The following TRPC1 variants were observed in gnomAD, a reference collection of about 807,000 sequenced individuals.
TRPC1 encodes the protein short transient receptor potential channel 1.
In TRPC1, 42 loss-of-function variants were observed where a neutral mutation model predicts 88.2. That is an observed-to-expected ratio of 0.48 (90% CI 0.37 to 0.62). The LOEUF is 0.62. TRPC1 is among the 20% of genes least tolerant of loss of function. TRPC1 has a pLI of 0.00. For missense variants in TRPC1, 699 were observed against 957.3 expected (o/e 0.73, Z 3.56); for synonymous variants, 288 against 331.8 (o/e 0.87, Z 1.43).
At chr3:142,801,619 A>G (rs1160011503) in intron 9 of TRPC1, among the ~76,000 whole-genome samples, 2 of 152,164 alleles carry the variant, frequency 1.3e-5, no homozygotes, top group Non-Finnish European at 2.9e-5. Flanking sequence ...GCTTGCACAC[A>G]TAATATTTTC....
At chr3:142,779,408 T>C (rs1005745493) in intron 5 of TRPC1, among the ~76,000 whole-genome samples, 1 of 152,224 alleles carries the variant, frequency 6.6e-6, no homozygotes, top group Non-Finnish European at 1.5e-5. Flanking sequence ...ATAAGATGTA[T>C]AAATTTCACC....
At chr3:142,797,993 AT>A (rs1022650232) in intron 9 of TRPC1, among the ~76,000 whole-genome samples, 10 of 151,968 alleles carry the variant, frequency 6.6e-5, no homozygotes, top group African/African-American at 2.4e-4. Flanking sequence ...GGTGTTTTGC[AT>A]TTTGGTGTAT....
At chr3:142,749,896 C>T (rs1934692920) in intron 4 of TRPC1, among the ~76,000 whole-genome samples, 1 of 152,124 alleles carries the variant, frequency 6.6e-6, no homozygotes, top group African/African-American at 2.4e-5. Flanking sequence ...TGGACCCCTT[C>T]CTTACACCTT....
At chr3:142,740,635 C>A (rs1934311484) in intron 2 of TRPC1, among the ~76,000 whole-genome samples, 1 of 152,108 alleles carries the variant, frequency 6.6e-6, no homozygotes, top group African/African-American at 2.4e-5. Context: ...TAGGATAATG[C>A]AACATTGTGA....
intron 4 of TRPC1, among the ~76,000 whole-genome samples, chr3:142,764,099 T>C (rs1464298899): frequency 6.6e-6 from 1 of 150,572 alleles, no homozygotes; most frequent in Non-Finnish European, 1.5e-5. Flanking sequence ...TTCTACACTT[T>C]AGCTTCTTCT....
chr3:142,783,015 G>C (rs1235506211), intron 6 of TRPC1, among the ~76,000 whole-genome samples: 1 of 152,192 alleles, frequency 6.6e-6, no homozygotes, highest in Non-Finnish European at 1.5e-5. Context: ...GAATCTACTA[G>C]TTAAATCAAT....
intron 8 of TRPC1, among the ~76,000 whole-genome samples, chr3:142,791,818 T>C (rs1465755441): frequency 6.6e-6 from 1 of 152,010 alleles, no homozygotes; most frequent in Non-Finnish European, 1.5e-5. Flanking sequence ...TAACTATATA[T>C]TTTTATTTAG....
rs906258118 is a variant in TRPC1 at position 142,806,935 on chromosome 3, C to T, written c.*700C>T. The T allele has an allele frequency of 4.0e-5, 6 of 151,538 alleles. No individual in the cohort carries two copies. Among genetic ancestry groups the T allele is most frequent in the Admixed American group, 6.6e-5 (1 of 15,224 alleles). 9.4% of individuals were successfully genotyped at this position (151,538 alleles called of 1,614,324 possible). A position where few individuals can be genotyped will look rare whatever the true frequency, so the allele number is the denominator to read the frequency against. ...ATTTCCATGTATTGATGTAGTTAGTCCACATTTAAATTTTTATAGAATTAT... is the reference window on the plus strand; with the variant it reads ...ATTTCCATGTATTGATGTAGTTAGTTCACATTTAAATTTTTATAGAATTAT... On this transcript the variant is annotated 3_prime_UTR_variant, in exon 13 of 13. Coordinates refer to ENST00000476941, the MANE Select transcript of TRPC1 (RefSeq NM_001251845.2).
chr3:142,732,896 G>C (rs1468139184), intron 1 of TRPC1, among the ~76,000 whole-genome samples: 1 of 151,170 alleles, frequency 6.6e-6, no homozygotes, highest in East Asian at 1.9e-4. Context: ...CTAGCTACTT[G>C]CTGTCTATTT....
intron 4 of TRPC1, among the ~76,000 whole-genome samples, chr3:142,761,157 T>C (rs1237424778): frequency 6.6e-6 from 1 of 152,192 alleles, no homozygotes; most frequent in Non-Finnish European, 1.5e-5. Context: ...GGCATCATCA[T>C]CTTGTTCCAG....
intron 5 of TRPC1, 112 bp downstream of exon 5, chr3:142,777,875 C>A: frequency 8.6e-7 from 1 of 1,159,200 alleles, no homozygotes; most frequent in Non-Finnish European, 1.2e-6. Flanking sequence ...AAGAACACTA[C>A]ACCTTGTTGC....
intron 2 of TRPC1, 31 bp from the exon 3 acceptor site, chr3:142,743,454 T>G: frequency 7.0e-7 from 1 of 1,428,472 alleles, no homozygotes; most frequent in Non-Finnish European, 9.3e-7. Flanking sequence ...TTATCTTCCA[T>G]TTTCATTTTT....
intron 7 of TRPC1, 85 bp from the exon 8 acceptor site, chr3:142,790,934 T>C: frequency 1.8e-6 from 2 of 1,109,396 alleles, no homozygotes; most frequent in Non-Finnish European, 2.3e-6. Context: ...GGATTATTTA[T>C]TTAATATTTT....
At chr3:142,753,493 C>T (rs769878377) in intron 4 of TRPC1, among the ~76,000 whole-genome samples, 1 of 151,994 alleles carries the variant, frequency 6.6e-6, no homozygotes, top group Non-Finnish European at 1.5e-5. Flanking sequence ...AGACCGGGCG[C>T]GGTGGCTCAC....
At chr3:142,771,767 T>C (rs747912269) in intron 4 of TRPC1, among the ~76,000 whole-genome samples, 2 of 152,186 alleles carry the variant, frequency 1.3e-5, no homozygotes, top group Non-Finnish European at 1.5e-5. Flanking sequence ...CTTTCTATTC[T>C]ATAAATATTA....
intron 9 of TRPC1, among the ~76,000 whole-genome samples, chr3:142,797,439 G>A (rs180895080): frequency 6.6e-6 from 1 of 152,200 alleles, no homozygotes; most frequent in Admixed American, 6.5e-5. Context: ...TGGAGGGGTG[G>A]TGATGAGCAA....
At chr3:142,744,646 G>C (rs1288389956) in intron 3 of TRPC1, among the ~76,000 whole-genome samples, 1 of 151,986 alleles carries the variant, frequency 6.6e-6, no homozygotes, top group African/African-American at 2.4e-5. Flanking sequence ...TACTTACCAC[G>C]GTTAAAAATA....
chr3:142,731,627 G>T (rs1000834216), intron 1 of TRPC1, among the ~76,000 whole-genome samples: 1 of 151,442 alleles, frequency 6.6e-6, no homozygotes, highest in Admixed American at 6.6e-5. Context: ...CTCATGATCC[G>T]CCTGCCTCAG....
chr3:142,730,211 T>A (rs1326605597), intron 1 of TRPC1, among the ~76,000 whole-genome samples: 1 of 152,162 alleles, frequency 6.6e-6, no homozygotes, highest in Non-Finnish European at 1.5e-5. Flanking sequence ...TAAACATTGC[T>A]TTTGACTATT....
Sources: gnomAD v4.1 joint callset for allele counts (sites outside exome capture counted in the v4.1 genomes callset) on GRCh38, gnomAD v4.1.1 for gene constraint, MANE v1.5 for transcripts, NCBI Gene and HGNC (gene_info 2026-07-23, HGNC 2026-07-21) for gene names.